The following TPCN1 variants were observed in gnomAD, a reference collection of about 807,000 sequenced individuals.
The protein encoded by TPCN1 is two pore segment channel 1.
TPCN1 carries 52 observed loss-of-function variants against 108.8 expected under a neutral mutation model. The ratio of observed to expected loss-of-function variants is 0.48; its 90% CI spans 0.38 to 0.60. The LOEUF is 0.60. TPCN1 is among the 20% of genes least tolerant of loss of function. The pLI, the probability that TPCN1 is intolerant of heterozygous loss-of-function variation, is 0.00. For synonymous variants in TPCN1, 446 were observed against 433.7 expected (o/e 1.03, Z -0.35); for missense variants, 806 against 1,072.8 (o/e 0.75, Z 3.47).
chr12:113,233,216 C>A (rs1194440096), intron 2 of TPCN1, among the ~76,000 whole-genome samples: 1 of 152,226 alleles, frequency 6.6e-6, no homozygotes, highest in Non-Finnish European at 1.5e-5. Context: ...CTTTCCCGCA[C>A]ACAAGACGCT....
In TPCN1 at chr12:113,266,317, C is replaced by A. The variant is rs773304969; in HGVS notation, c.375C>A (p.Cys125Ter). The A allele has an allele frequency of 6.2e-7, 1 of 1,611,272 alleles. No individual in the cohort carries two copies. Among genetic ancestry groups the A allele is most frequent in the South Asian group, 1.1e-5 (1 of 91,074 alleles). Residue 125 changes from cysteine (C) to a stop codon, truncating the protein, a stop_gained, in exon 4 of 28, where the codon TGC becomes TGA. Coordinates refer to ENST00000335509, the MANE Select transcript of TPCN1 (RefSeq NM_017901.6). LOFTEE classifies it high-confidence loss of function. The surrounding 1 kb of genome is among the most constrained non-coding windows in gnomAD (Gnocchi z 4.2). Reference protein sequence around the residue: ...TALLLLLLSLCEAPAVPALRL... With the variant: ...TALLLLLLSL ...TGCTGCTGCTGCTGCTCTCCCTGTG[C>A]GAGGCCCCCGCCGTCCCCGCACTCC...
chr12:113,237,870 T>G (rs1953955542), intron 2 of TPCN1, among the ~76,000 whole-genome samples: 1 of 152,178 alleles, frequency 6.6e-6, no homozygotes. Context: ...CCCTGCCACA[T>G]ATCTCCCACT....
chr12:113,279,383 A>ATTTTTTT (rs1566189529), intron 14 of TPCN1, among the ~76,000 whole-genome samples: 4 of 22,520 alleles, frequency 1.8e-4, no homozygotes, highest in African/African-American at 2.5e-4. Context: ...ATATATATAT[A>ATTTTTTT]TATATATATT....
chr12:113,267,688 G>A (rs1955320558), intron 4 of TPCN1, among the ~76,000 whole-genome samples, 155 bp from the exon 5 acceptor site: 1 of 152,166 alleles, frequency 6.6e-6, no homozygotes, highest in South Asian at 2.1e-4. Context: ...CGTGACCAAG[G>A]CTCTGTCTTT....
chr12:113,243,344 T>A (rs1314369753), intron 2 of TPCN1, among the ~76,000 whole-genome samples: 3 of 151,462 alleles, frequency 2.0e-5, no homozygotes, highest in African/African-American at 7.3e-5. Flanking sequence ...CACTTTAGCC[T>A]GGATGACAGA....
Position 113,267,926 on chromosome 12 carries a change from C to A in TPCN1, c.498C>A (p.Thr166=), listed in dbSNP as rs1566175066. 7 of 1,613,902 alleles carry A rather than the reference C, an allele frequency of 4.3e-6. No homozygotes were observed. Among genetic ancestry groups the A allele is most frequent in the African/African-American group, 1.3e-5 (1 of 74,926 alleles). ...CMKLRWLGLH[T]FIRHKRTMVK... ...AGTTACGCTGGCTGGGCCTCCACAC[C>A]TTCATCCGGCACAAGCGGACCATGG... Residue 166 remains threonine, a synonymous_variant, in exon 5 of 28, where the codon ACC becomes ACA. Coordinates refer to ENST00000335509, the MANE Select transcript of TPCN1 (RefSeq NM_017901.6).
At position 113,284,869 on chromosome 12, in the gene TPCN1, GA is replaced by G; in HGVS notation, c.1453+100del. The stretch of plus-strand genomic sequence containing the variant: ...ACCTCATGGTTCTTCTCTAAAACAG[GA>G]AGCTATAAAGAGACGGAGTAATCAG... On this transcript the variant is annotated intron_variant, in intron 17 of 27. Coordinates refer to ENST00000335509, the MANE Select transcript of TPCN1 (RefSeq NM_017901.6). This position sits in a 1 kb window ranked among gnomAD's most constrained non-coding sequence, Gnocchi z 4.1. 7.3e-7 allele frequency: 1 copy of G among 1,363,648 alleles called. No homozygotes were observed. Among genetic ancestry groups the G allele is most frequent in the Admixed American group, 1.7e-5 (1 of 58,174 alleles). 84.5% of individuals were successfully genotyped at this position (1,363,648 alleles called of 1,614,324 possible).
rs1448335806 is a variant in TPCN1 at position 113,277,020 on chromosome 12, G to A, written c.1044G>A (p.Leu348=). The A allele has an allele frequency of 6.2e-7, 1 of 1,613,760 alleles. No homozygotes were observed. Among genetic ancestry groups the A allele is most frequent in the Admixed American group, 1.7e-5 (1 of 60,014 alleles). ...CCGCTATCCAGCATGCCTACCGCCT[G>A]CTCATCAGCCAGAGGGTAGGAACTA... ...KRTAIQHAYR[L]LISQRRPAGI... is the part of the protein sequence containing the mutation. The change falls in exon 11 of 28, where the codon CTG becomes CTA. Residue 348 remains leucine, a synonymous_variant. Transcript: ENST00000335509.
At chr12:113,278,860 T>C (rs779427871) in intron 14 of TPCN1, 25 bp downstream of exon 14, 1 of 1,611,504 alleles carries the variant, frequency 6.2e-7, no homozygotes, top group Non-Finnish European at 8.5e-7. Flanking sequence ...GTATGGCAGG[T>C]GTTGGCAGCT....
rs1956476083 is a variant in TPCN1, at chr12:113,297,834, T to C, written c.*1758T>C. ...GAGGGAACTTTATTGCACAATTGGG[T>C]GCCTTTTAGCTTTTGTGTGTTGAAA... On this transcript the variant is annotated 3_prime_UTR_variant, in exon 28 of 28. Coordinates refer to ENST00000335509, the MANE Select transcript of TPCN1 (RefSeq NM_017901.6). The surrounding 1 kb of genome is among the most constrained non-coding windows in gnomAD (Gnocchi z 4.4). 1 of 152,212 alleles carries C rather than the reference T, an allele frequency of 6.6e-6. No individual in the cohort carries two copies. The highest frequency in any genetic ancestry group is 2.4e-5 in the African/African-American group (1 of 41,432). 9.4% of individuals were successfully genotyped at this position (152,212 alleles called of 1,614,324 possible). A position where few individuals can be genotyped will look rare whatever the true frequency, so the allele number is the denominator to read the frequency against.
chr12:113,255,170 A>G (rs1244579601), intron 2 of TPCN1, among the ~76,000 whole-genome samples: 1 of 152,256 alleles, frequency 6.6e-6, no homozygotes, highest in East Asian at 1.9e-4. Context: ...AAAAGAGGCC[A>G]CTAGACCTTT....
At chr12:113,226,253 T>C (rs575231426) in intron 1 of TPCN1, among the ~76,000 whole-genome samples, 4 of 152,100 alleles carry the variant, frequency 2.6e-5, no homozygotes, top group Non-Finnish European at 5.9e-5. Context: ...AATTTACCAT[T>C]TTATTATTTT....
In TPCN1 at chr12:113,288,584, T is replaced by C; in HGVS notation, c.1707-174T>C. The C allele has an allele frequency of 1.4e-6, 2 of 1,472,992 alleles. No individual in the cohort carries two copies. Among genetic ancestry groups the C allele is most frequent in the Non-Finnish European group, 1.8e-6 (2 of 1,114,800 alleles). The allele number at this position is 1,472,992 out of a possible 1,614,324, so 91.2% of individuals were successfully genotyped here. On this transcript the variant is annotated intron_variant, in intron 20 of 27. Transcript: ENST00000335509. This position sits in a 1 kb window ranked among gnomAD's most constrained non-coding sequence, Gnocchi z 4.8. ...GTTCATAGCGTCCTGACTTGAGCTG[T>C]TTTTCACCCCAGAGCTGCCCCACGA... is the stretch of plus-strand genomic sequence containing the variant.
chr12:113,231,022 C>T lies in TPCN1; in HGVS notation c.112+4058C>T, dbSNP rs543355691. The stretch of plus-strand genomic sequence containing the variant: ...TTGGTTGCTGTAAACCTTTGAAGTA[C>T]TAAGGAGTTGGCAGAATGCAGATGC... On this transcript the variant is annotated intron_variant, in intron 2 of 27. Coordinates refer to ENST00000335509, the MANE Select transcript of TPCN1 (RefSeq NM_017901.6). This position sits in a 1 kb window ranked among gnomAD's most constrained non-coding sequence, Gnocchi z 4.3. Among the ~76,000 whole-genome samples the T allele has an allele frequency of 1.3e-5, 2 of 152,336 alleles. No homozygotes were observed. The highest frequency in any genetic ancestry group is 3.9e-4 in the East Asian group (2 of 5,192).
At chr12:113,277,655 A>C (rs547595761) in intron 12 of TPCN1, among the ~76,000 whole-genome samples, 2 of 152,188 alleles carry the variant, frequency 1.3e-5, no homozygotes, top group Non-Finnish European at 2.9e-5. Flanking sequence ...GGATAGTCCC[A>C]TGTGAGCCAG....
At position 113,296,246 on chromosome 12, in the gene TPCN1, C is replaced by A; in HGVS notation, c.*170C>A. On this transcript the variant is annotated 3_prime_UTR_variant, in exon 28 of 28. Coordinates refer to ENST00000335509, the MANE Select transcript of TPCN1 (RefSeq NM_017901.6). ...TTGGTTTATAACCACCTTGCCCTGT[C>A]TTCCTTAACTCCAGAAGCCAGTTTG... 9.2e-7 allele frequency: 1 copy of A among 1,087,488 alleles called. No individual in the cohort carries two copies. Among genetic ancestry groups the A allele is most frequent in the Non-Finnish European group, 1.3e-6 (1 of 790,794 alleles). 67.4% of individuals were successfully genotyped at this position (1,087,488 alleles called of 1,614,324 possible).
chr12:113,295,386 T>G (rs1252971196), intron 27 of TPCN1, among the ~76,000 whole-genome samples: 1 of 143,634 alleles, frequency 7.0e-6, no homozygotes, highest in African/African-American at 2.6e-5. Flanking sequence ...GAGGCTGCAG[T>G]GAGCCGTACC....
intron 2 of TPCN1, among the ~76,000 whole-genome samples, chr12:113,238,357 G>T (rs572341207): frequency 3.9e-4 from 59 of 151,984 alleles, no homozygotes; most frequent in African/African-American, 1.3e-3. Context: ...TCCTAGTTTT[G>T]GTGGCTTCCT....
In TPCN1 at chr12:113,284,553, C is replaced by G. The variant is rs759552692; in HGVS notation, c.1343-28C>G. On this transcript the variant is annotated intron_variant, in intron 15 of 27. Transcript: ENST00000335509. This position sits in a 1 kb window ranked among gnomAD's most constrained non-coding sequence, Gnocchi z 4.1. ...ATTTCTAAGCCCCCCTGTTATTTCT[C>G]TGTCTTTTACGGGCCTGTGTATTTC... 1 of 1,613,490 alleles carries G rather than the reference C, an allele frequency of 6.2e-7. No individual in the cohort carries two copies. Among genetic ancestry groups the G allele is most frequent in the Admixed American group, 1.7e-5 (1 of 59,980 alleles).
Sources: allele counts gnomAD v4.1 joint callset (sites outside exome capture counted in the v4.1 genomes callset), GRCh38; gene constraint gnomAD v4.1.1; non-coding constraint Gnocchi (gnomAD v3.1); transcripts MANE v1.5; gene names NCBI Gene and HGNC (gene_info 2026-07-23, HGNC 2026-07-21).